The following RIPOR3 variants were observed in gnomAD, a reference collection of about 807,000 sequenced individuals.
RIPOR3 encodes family with sequence similarity 65 member C.
In RIPOR3, 95 loss-of-function variants were observed where a neutral mutation model predicts 114.3. The observed-to-expected ratio is 0.83, with a 90% CI of 0.70 to 0.99. RIPOR3 has a LOEUF of 0.99. RIPOR3 is among the 50% of genes least tolerant of loss of function. The probability of loss-of-function intolerance (pLI) is 0.00; values close to 1 mark genes in which losing one functional copy is unlikely to be tolerated. For missense variants in RIPOR3, 1,252 were observed against 1,266.9 expected (o/e 0.99, Z 0.18); for synonymous variants, 575 against 543.8 (o/e 1.06, Z -0.80).
chr20:50,605,670 C>T (rs1375853758), intron 11 of RIPOR3, among the ~76,000 whole-genome samples: 1 of 151,720 alleles, frequency 6.6e-6, no homozygotes, highest in Non-Finnish European at 1.5e-5. Context: ...CCCAGCTACT[C>T]AGGAGGCAGA....
rs139916882 is a variant in RIPOR3 at position 50,591,147 on chromosome 20, A to G, written c.2577+1197T>C. 6.4e-3 allele frequency among the ~76,000 whole-genome samples: 978 copies of G among 152,380 alleles called. 4 individuals carry two copies. Among genetic ancestry groups the G allele is most frequent in the Middle Eastern group, 0.031 (9 of 294 alleles). On this transcript the variant is annotated intron_variant, in intron 19 of 21. Transcript: ENST00000327979. The stretch of plus-strand genomic sequence containing the variant: ...AAAACCTTTAGATTGATTGGAAGCC[A>G]TCAGCCAATCACAATGTGTGTCCTT...
chr20:50,655,045 G>A (rs529765976), intron 1 of RIPOR3, among the ~76,000 whole-genome samples: 3 of 152,324 alleles, frequency 2.0e-5, no homozygotes, highest in Non-Finnish European at 2.9e-5. Context: ...CACTGCACCC[G>A]GCCAACCATT....
intron 10 of RIPOR3, 30 bp downstream of exon 10, chr20:50,608,583 C>T: frequency 6.2e-7 from 1 of 1,613,766 alleles, no homozygotes. Context: ...ACCCAGGCAC[C>T]CCAGCCCTGC....
intron 12 of RIPOR3, 112 bp downstream of exon 12, chr20:50,604,533 T>G: frequency 2.1e-6 from 3 of 1,428,344 alleles, no homozygotes; most frequent in Non-Finnish European, 2.8e-6. Flanking sequence ...AAACGGAAGC[T>G]GAGCCCGAGG....
intron 4 of RIPOR3, among the ~76,000 whole-genome samples, chr20:50,612,690 G>C (rs79182083): frequency 6.6e-6 from 1 of 152,118 alleles, no homozygotes; most frequent in Non-Finnish European, 1.5e-5. Flanking sequence ...GATGGGACAC[G>C]GAAGATTGAA....
chr20:50,649,145 T>G (rs117343083), intron 1 of RIPOR3, among the ~76,000 whole-genome samples: 2,853 of 152,276 alleles, frequency 0.019, 30 homozygotes, highest in Non-Finnish European at 0.028. Flanking sequence ...TATAAGGATA[T>G]GACGGTATTG....
chr20:50,637,021 A>G (rs1328780803), intron 1 of RIPOR3: 3 of 691,918 alleles, frequency 4.3e-6, no homozygotes, highest in Non-Finnish European at 5.3e-6. Flanking sequence ...GTTTCGCATG[A>G]AAGGAAATGG....
At position 50,604,661 on chromosome 20, in the gene RIPOR3, C is replaced by T. The variant is rs201353731; in HGVS notation, c.1070G>A (p.Arg357Gln). 312 of 1,607,766 alleles carry T rather than the reference C, an allele frequency of 1.9e-4. No homozygotes were observed. Among genetic ancestry groups the T allele is most frequent in the Non-Finnish European group, 2.4e-4 (285 of 1,177,620 alleles). The change falls in exon 12 of 22, where the codon CGG (arginine) becomes CAG (glutamine). Residue 357 changes from arginine to glutamine, a missense_variant. Arg to Gln is a conservative substitution (Grantham distance 43). Transcript: ENST00000327979. ...CTCACTCACCAGGTAGTATCTCTCC[C>T]GGAAGCTGGGGGTGCTCGGGGGTGT... ...NWTPPSTPSFRERYYLSVLQQ... is the reference protein window; with the variant it reads ...NWTPPSTPSFQERYYLSVLQQ...
At chr20:50,690,385 G>A (rs1238025537) in intron 1 of RIPOR3, among the ~76,000 whole-genome samples, 2 of 152,146 alleles carry the variant, frequency 1.3e-5, no homozygotes, top group South Asian at 2.1e-4. Context: ...GGCACTCTTC[G>A]TTCAAGCCTG....
rs1190651548 is a variant in RIPOR3 at position 50,620,082 on chromosome 20, G to A, written c.173C>T (p.Ser58Phe). Residue 58 changes from serine (S) to phenylalanine (F), a missense_variant, in exon 3 of 22, where the codon TCC becomes TTC. Transcript: ENST00000327979. ...SVRSRMPAKSSKMYGTLRKGS... is the reference protein window; with the variant it reads ...SVRSRMPAKSFKMYGTLRKGS... ...CTTCCGCAGCGTGCCGTACATCTTGGAGGATTTTGCAGGCATTCGCGATCT... is the reference window on the plus strand; with the variant it reads ...CTTCCGCAGCGTGCCGTACATCTTGAAGGATTTTGCAGGCATTCGCGATCT... The A allele has an allele frequency of 6.2e-7, 1 of 1,614,190 alleles. No individual in the cohort carries two copies. The highest frequency in any genetic ancestry group is 1.1e-5 in the South Asian group (1 of 91,078).
Position 50,638,471 on chromosome 20 carries a change from C to G in RIPOR3, c.4-7615G>C, listed in dbSNP as rs545767737. ...TGACTCATGAATTTCTTTGAATTAT[C>G]CAGAGGGCATTTTAATTCAAATGGC... On this transcript the variant is annotated intron_variant, in intron 1 of 21. Coordinates refer to ENST00000327979, the MANE Select transcript of RIPOR3 (RefSeq NM_001290268.2). Among the ~76,000 whole-genome samples, 432 of 152,292 alleles carry G rather than the reference C, an allele frequency of 2.8e-3. 4 individuals carry two copies. Among genetic ancestry groups the G allele is most frequent in the African/African-American group, 7.6e-3 (316 of 41,560 alleles).
At position 50,606,661 on chromosome 20, in the gene RIPOR3, A is replaced by G. The variant is rs572000260; in HGVS notation, c.956+1728T>C. Among the ~76,000 whole-genome samples the G allele has an allele frequency of 4.6e-5, 7 of 151,862 alleles. No individual in the cohort carries two copies. In the South Asian group the frequency reaches 1.5e-3, roughly 32 times the overall value. ...CAAACAGGGTACTTAAAGCCCAGAA[A>G]CTTTGAAACCATGCCCTTGAGCCAC... On this transcript the variant is annotated intron_variant, in intron 11 of 21. Transcript: ENST00000327979.
chr20:50,661,855 C>T (rs983151587), intron 1 of RIPOR3, among the ~76,000 whole-genome samples: 6 of 152,208 alleles, frequency 3.9e-5, no homozygotes, highest in East Asian at 1.9e-4. Context: ...TTCAGCCAAC[C>T]GTGGGAGGAA....
chr20:50,597,841 C>T, intron 13 of RIPOR3, 131 bp from the exon 14 acceptor site: 2 of 1,379,602 alleles, frequency 1.4e-6, no homozygotes, highest in Non-Finnish European at 1.9e-6. Flanking sequence ...CACCGTCCCC[C>T]AGCAGAAGCC....
intron 1 of RIPOR3, among the ~76,000 whole-genome samples, chr20:50,678,700 A>G (rs886403488): frequency 6.6e-6 from 1 of 152,100 alleles, no homozygotes; most frequent in Admixed American, 6.6e-5. Flanking sequence ...AGAGTGGGGG[A>G]GTCTTGAATA....
intron 7 of RIPOR3, 91 bp from the exon 8 acceptor site, chr20:50,609,447 CAG>C: frequency 1.3e-6 from 2 of 1,520,758 alleles, no homozygotes; most frequent in South Asian, 1.2e-5. Flanking sequence ...AGGCCACAGG[CAG>C]AGAGACGCCT....
intron 1 of RIPOR3, among the ~76,000 whole-genome samples, chr20:50,674,574 C>A (rs2086626646): frequency 6.7e-6 from 1 of 149,146 alleles, no homozygotes; most frequent in African/African-American, 2.5e-5. Flanking sequence ...GAAATAGGGT[C>A]TTTGCAAATG....
chr20:50,683,680 C>G (rs1256194578), intron 1 of RIPOR3, among the ~76,000 whole-genome samples: 1 of 151,904 alleles, frequency 6.6e-6, no homozygotes, highest in Non-Finnish European at 1.5e-5. Flanking sequence ...TGGTATCAAA[C>G]TCCTGACTGC....
intron 2 of RIPOR3, among the ~76,000 whole-genome samples, chr20:50,628,901 G>T (rs147813179): frequency 6.2e-4 from 94 of 152,332 alleles, no homozygotes; most frequent in South Asian, 1.4e-3. Context: ...CTGACCTCAG[G>T]GGGGTGGAGG....
Sources: gnomAD v4.1 joint callset for allele counts (sites outside exome capture counted in the v4.1 genomes callset) on GRCh38, gnomAD v4.1.1 for gene constraint, MANE v1.5 for transcripts, NCBI Gene and HGNC (gene_info 2026-07-23, HGNC 2026-07-21) for gene names.